The following SLC35F4 variants were observed in gnomAD, a reference collection of about 807,000 sequenced individuals.
The protein encoded by SLC35F4 is chromosome 14 open reading frame 36.
SLC35F4 carries 24 observed loss-of-function variants against 44.2 expected under a neutral mutation model. That is an observed-to-expected ratio of 0.54 (90% CI 0.39 to 0.76). The LOEUF (loss-of-function observed/expected upper bound fraction) is 0.76, where lower values mean the gene tolerates loss of function less well. Ranked by LOEUF, SLC35F4 falls within the 30% of genes least tolerant of loss-of-function variation. The pLI, the probability that SLC35F4 is intolerant of heterozygous loss-of-function variation, is 0.00. For synonymous variants in SLC35F4, 238 were observed against 223.6 expected (o/e 1.06, Z -0.57); for missense variants, 562 against 586.1 (o/e 0.96, Z 0.42).
downstream of SLC35F4, among the ~76,000 whole-genome samples, chr14:57,975,723 A>C (rs1298169323): frequency 1.3e-5 from 2 of 152,214 alleles, no homozygotes; most frequent in African/African-American, 4.8e-5. Flanking sequence ...CGCAGAGAGG[A>C]GCCCTAAAAT....
At chr14:57,706,972 C>A (rs1441197226) in intron 1 of SLC35F4, among the ~76,000 whole-genome samples, 1 of 152,080 alleles carries the variant, frequency 6.6e-6, no homozygotes, top group African/African-American at 2.4e-5. Context: ...TTAATGAAGG[C>A]AAGAATGGAT....
chr14:57,787,940 T>G (rs1479465889), intron 1 of SLC35F4, among the ~76,000 whole-genome samples: 1 of 152,202 alleles, frequency 6.6e-6, no homozygotes, highest in Non-Finnish European at 1.5e-5. Context: ...ACATTGAATG[T>G]AAATGGTCTA....
At chr14:57,589,002 A>G (rs1263472315) in intron 3 of SLC35F4, among the ~76,000 whole-genome samples, 1 of 152,210 alleles carries the variant, frequency 6.6e-6, no homozygotes, top group Admixed American at 6.5e-5. Flanking sequence ...ATAATAAGTT[A>G]TGCAAAAGCA....
At chr14:57,763,181 T>C (rs1384793340) in intron 1 of SLC35F4, among the ~76,000 whole-genome samples, 2 of 152,178 alleles carry the variant, frequency 1.3e-5, no homozygotes, top group Non-Finnish European at 1.5e-5. Flanking sequence ...TCACTTTATA[T>C]GTGTAAGAAT....
At chr14:57,747,371 A>T (rs938451474) in intron 1 of SLC35F4, among the ~76,000 whole-genome samples, 6 of 152,196 alleles carry the variant, frequency 3.9e-5, no homozygotes, top group African/African-American at 1.2e-4. Flanking sequence ...AAACATAACC[A>T]AAAGATTGGA....
At chr14:57,649,281 G>T (rs1348167367) in intron 1 of SLC35F4, among the ~76,000 whole-genome samples, 1 of 152,102 alleles carries the variant, frequency 6.6e-6, no homozygotes, top group Non-Finnish European at 1.5e-5. Context: ...TTATTATATT[G>T]CAGTTTTGGT....
intron 1 of SLC35F4, among the ~76,000 whole-genome samples, chr14:57,930,168 A>G (rs1390219132): frequency 6.6e-6 from 1 of 152,226 alleles, no homozygotes; most frequent in Non-Finnish European, 1.5e-5. Context: ...AGGAGCCACA[A>G]GAAAGTGTCA....
intron 1 of SLC35F4, among the ~76,000 whole-genome samples, chr14:57,767,048 A>G (rs2077252395): frequency 6.6e-6 from 1 of 152,198 alleles, no homozygotes; most frequent in Non-Finnish European, 1.5e-5. Context: ...TATGATTCTA[A>G]ATATGTGCTC....
At chr14:57,784,417 C>T (rs556330455) in intron 1 of SLC35F4, among the ~76,000 whole-genome samples, 1 of 152,204 alleles carries the variant, frequency 6.6e-6, no homozygotes, top group Non-Finnish European at 1.5e-5. Flanking sequence ...GGTGTACTGG[C>T]TCATGCCTGT....
intron 1 of SLC35F4, among the ~76,000 whole-genome samples, chr14:57,731,450 C>T (rs1249468953): frequency 6.6e-6 from 1 of 152,166 alleles, no homozygotes; most frequent in East Asian, 1.9e-4. Context: ...AGACACCTGC[C>T]CTTTCCACTG....
intron 1 of SLC35F4, among the ~76,000 whole-genome samples, chr14:57,755,605 T>C (rs1246621903): frequency 6.6e-6 from 1 of 152,182 alleles, no homozygotes; most frequent in Non-Finnish European, 1.5e-5. Flanking sequence ...ATTGACATTT[T>C]AATTATGCAT....
intron 1 of SLC35F4, among the ~76,000 whole-genome samples, chr14:57,714,229 A>T (rs990580979): frequency 1.1e-4 from 17 of 152,300 alleles, no homozygotes; most frequent in African/African-American, 3.4e-4. Flanking sequence ...TTTCTCCATA[A>T]TTGGTTAAGT....
intron 1 of SLC35F4, among the ~76,000 whole-genome samples, chr14:57,822,649 C>T (rs1245844643): frequency 6.6e-6 from 1 of 152,072 alleles, no homozygotes; most frequent in African/African-American, 2.4e-5. Flanking sequence ...TGTCTCTATG[C>T]AAAAAGCAGT....
At chr14:57,958,218 C>T (rs1278696186) in intron 1 of SLC35F4, among the ~76,000 whole-genome samples, 5 of 151,938 alleles carry the variant, frequency 3.3e-5, no homozygotes, top group Admixed American at 2.6e-4. Context: ...CCACCACGCC[C>T]GGCTAATTAT....
chr14:57,977,987 G>A (rs1881267605), intron 1 of SLC35F4, among the ~76,000 whole-genome samples: 1 of 152,148 alleles, frequency 6.6e-6, no homozygotes, highest in Non-Finnish European at 1.5e-5. Flanking sequence ...TCAGGGAGGA[G>A]CAAAAATGAA....
chr14:57,946,553 C>T (rs1890034969), intron 1 of SLC35F4, among the ~76,000 whole-genome samples: 1 of 146,294 alleles, frequency 6.8e-6, no homozygotes, highest in Admixed American at 7.0e-5. Flanking sequence ...CCACTCACTG[C>T]AACCTCTGCC....
chr14:57,713,438 C>A (rs1038233900), intron 1 of SLC35F4, among the ~76,000 whole-genome samples: 1 of 152,258 alleles, frequency 6.6e-6, no homozygotes, highest in East Asian at 1.9e-4. Flanking sequence ...TCCCATACCC[C>A]CTAGTTTAAG....
At chr14:57,611,881 A>G (rs994086864) in intron 1 of SLC35F4, among the ~76,000 whole-genome samples, 2 of 152,190 alleles carry the variant, frequency 1.3e-5, no homozygotes, top group African/African-American at 2.4e-5. Flanking sequence ...ACTGTAAACA[A>G]AATAAAACTG....
chr14:57,629,806 A>G, intron 1 of SLC35F4: 1 of 327,256 alleles, frequency 3.1e-6, no homozygotes, highest in Non-Finnish European at 6.0e-6. Context: ...CAACTGCATG[A>G]CTGTAGACGA....
Sources: gnomAD v4.1 joint callset for allele counts (sites outside exome capture counted in the v4.1 genomes callset) on GRCh38, gnomAD v4.1.1 for gene constraint, MANE v1.5 for transcripts, NCBI Gene and HGNC (gene_info 2026-07-23, HGNC 2026-07-21) for gene names.